The following PCDH9 variants were observed in gnomAD, a reference collection of about 807,000 sequenced individuals.
PCDH9 encodes protocadherin-9.
PCDH9 carries 24 observed loss-of-function variants against 70.6 expected under a neutral mutation model. That is an observed-to-expected ratio of 0.34 (90% CI 0.25 to 0.48). The LOEUF (loss-of-function observed/expected upper bound fraction) is 0.48. Among genes scored for constraint, PCDH9 ranks in the 20% least tolerant of loss-of-function variants. The probability of loss-of-function intolerance (pLI) is 0.99; values close to 1 mark genes in which losing one functional copy is unlikely to be tolerated. For missense variants in PCDH9, 1,281 were observed against 1,503.6 expected, an observed-to-expected ratio of 0.85 and a Z score of 2.45; for synonymous variants, 562 against 558.5, an observed-to-expected ratio of 1.01 and a Z score of -0.09.
chr13:66,457,639 G>C (rs1289968609), intron 4 of PCDH9, among the ~76,000 whole-genome samples: 1 of 151,932 alleles, frequency 6.6e-6, no homozygotes, highest in Non-Finnish European at 1.5e-5. Flanking sequence ...AGAATGTCTG[G>C]AAGTGAGAGC....
chr13:67,186,103 T>C (rs2088753150), intron 2 of PCDH9, among the ~76,000 whole-genome samples: 1 of 152,104 alleles, frequency 6.6e-6, no homozygotes, highest in Non-Finnish European at 1.5e-5. Flanking sequence ...AATATTTATA[T>C]ATATAAATAT....
chr13:66,573,037 T>C (rs1414600746), intron 4 of PCDH9, among the ~76,000 whole-genome samples: 1 of 152,150 alleles, frequency 6.6e-6, no homozygotes, highest in Admixed American at 6.5e-5. Context: ...CTGTACTAAT[T>C]TACAATACAA....
intron 4 of PCDH9, among the ~76,000 whole-genome samples, chr13:66,573,376 A>G (rs933186581): frequency 1.3e-5 from 2 of 150,276 alleles, no homozygotes; most frequent in African/African-American, 4.9e-5. Context: ...CATTCTATAC[A>G]TTGTTTCTTC....
chr13:66,702,409 A>G (rs1407289322), intron 3 of PCDH9, among the ~76,000 whole-genome samples: 1 of 152,176 alleles, frequency 6.6e-6, no homozygotes, highest in Non-Finnish European at 1.5e-5. Flanking sequence ...GTTGCCAGGG[A>G]CTGAAGGAGG....
intron 2 of PCDH9, among the ~76,000 whole-genome samples, chr13:66,973,910 C>G: frequency 6.6e-6 from 1 of 151,250 alleles, no homozygotes; most frequent in Non-Finnish European, 1.5e-5. Context: ...AAAACAAACA[C>G]ATCTACACTT....
At chr13:66,666,048 A>G (rs1238370722) in intron 3 of PCDH9, among the ~76,000 whole-genome samples, 1 of 152,216 alleles carries the variant, frequency 6.6e-6, no homozygotes, top group Non-Finnish European at 1.5e-5. Flanking sequence ...GCAAGTGAAC[A>G]GATACTGTTG....
chr13:66,938,855 G>T (rs2082960229), intron 2 of PCDH9, among the ~76,000 whole-genome samples: 1 of 152,136 alleles, frequency 6.6e-6, no homozygotes, highest in Admixed American at 6.6e-5. Flanking sequence ...CATTTTAAAA[G>T]AACTTATATG....
chr13:67,100,056 A>G (rs2086400782), intron 2 of PCDH9, among the ~76,000 whole-genome samples: 1 of 152,190 alleles, frequency 6.6e-6, no homozygotes, highest in African/African-American at 2.4e-5. Context: ...TAGACATGTC[A>G]CTAAGTCTAT....
At chr13:66,949,893 G>C (rs889148494) in intron 2 of PCDH9, among the ~76,000 whole-genome samples, 1 of 151,838 alleles carries the variant, frequency 6.6e-6, no homozygotes, top group African/African-American at 2.4e-5. Context: ...ACATAGAAAG[G>C]CATTTAAGGT....
At chr13:66,934,753 C>T (rs1250135409) in intron 2 of PCDH9, among the ~76,000 whole-genome samples, 1 of 101,536 alleles carries the variant, frequency 9.8e-6, no homozygotes, top group East Asian at 3.4e-4. Flanking sequence ...CGGAGTCTCG[C>T]TCTGTCGCCC....
intron 4 of PCDH9, among the ~76,000 whole-genome samples, chr13:66,409,133 G>T (rs1957329618): frequency 6.6e-6 from 1 of 151,798 alleles, no homozygotes; most frequent in Non-Finnish European, 1.5e-5. Context: ...TTTAATGCTT[G>T]AATTCCATAC....
At chr13:66,741,308 C>T (rs1426524653) in intron 3 of PCDH9, among the ~76,000 whole-genome samples, 1 of 12,938 alleles carries the variant, frequency 7.7e-5, no homozygotes, top group Non-Finnish European at 6.1e-3. Context: ...ATGCTAAAAA[C>T]TCTCAATAAA....
At chr13:66,654,076 G>A (rs1411349399) in intron 3 of PCDH9, among the ~76,000 whole-genome samples, 15 of 151,712 alleles carry the variant, frequency 9.9e-5, no homozygotes, top group African/African-American at 3.4e-4. Context: ...GGATCAACCT[G>A]AAGTGTCCAT....
chr13:66,657,961 G>A lies in PCDH9; in HGVS notation c.3139-26550C>T, dbSNP rs139788773. ...AAATAAAAATGCTTCTTAAAAAATG[G>A]CATTAAAGAGAAAAATACAGTGTAA... On this transcript the variant is annotated intron_variant, in intron 3 of 4. Transcript: ENST00000377865. Among the ~76,000 whole-genome samples, 429 of 152,182 alleles carry A rather than the reference G, an allele frequency of 2.8e-3. 1 individual carries two copies. Among genetic ancestry groups the A allele is most frequent in the African/African-American group, 9.7e-3 (404 of 41,528 alleles).
At chr13:66,989,135 T>C (rs924232815) in intron 2 of PCDH9, among the ~76,000 whole-genome samples, 3 of 151,948 alleles carry the variant, frequency 2.0e-5, no homozygotes, top group Admixed American at 6.6e-5. Context: ...TTCCCAACCA[T>C]GGTGAATAAG....
At chr13:67,082,905 C>A (rs2086014320) in intron 2 of PCDH9, among the ~76,000 whole-genome samples, 1 of 152,062 alleles carries the variant, frequency 6.6e-6, no homozygotes, top group South Asian at 2.1e-4. Context: ...AACTTTGAAA[C>A]TTTATCTTTT....
chr13:67,214,912 G>A (rs1373876474), intron 2 of PCDH9: 1 of 116,080 alleles, frequency 8.6e-6, no homozygotes, highest in Non-Finnish European at 1.9e-5. Flanking sequence ...AACATTTTCT[G>A]AGTGTCTGGC....
chr13:67,158,085 TTC>T (rs1169162580), intron 2 of PCDH9, among the ~76,000 whole-genome samples: 3 of 152,226 alleles, frequency 2.0e-5, no homozygotes, highest in Admixed American at 2.0e-4. Flanking sequence ...ATTAAAATAC[TTC>T]TCTTTAGTAC....
chr13:66,371,760 G>T (rs112885915), intron 4 of PCDH9, among the ~76,000 whole-genome samples: 1,579 of 152,070 alleles, frequency 0.01, 31 homozygotes, highest in African/African-American at 0.036. Flanking sequence ...ACTAAACGCC[G>T]AATGAAACAC....
Sources: gnomAD v4.1 joint callset for allele counts (sites outside exome capture counted in the v4.1 genomes callset) on GRCh38, gnomAD v4.1.1 for gene constraint, MANE v1.5 for transcripts, NCBI Gene and HGNC (gene_info 2026-07-23, HGNC 2026-07-21) for gene names.